The following WNK3 variants were observed in gnomAD, a reference collection of about 807,000 sequenced individuals.
WNK3 encodes serine/threonine-protein kinase WNK3.
In WNK3, 18 loss-of-function variants were observed where a neutral mutation model predicts 116.7. That is an observed-to-expected ratio of 0.15 (90% CI 0.11 to 0.23). The LOEUF (loss-of-function observed/expected upper bound fraction) is 0.23, where lower values mean the gene tolerates loss of function less well. Among genes scored for constraint, WNK3 ranks in the 10% least tolerant of loss-of-function variants. WNK3 has a pLI of 1.00. For missense variants in WNK3, 993 were observed against 1,323.8 expected, an observed-to-expected ratio of 0.75 and a Z score of 3.88; for synonymous variants, 404 against 469.4, an observed-to-expected ratio of 0.86 and a Z score of 1.80.
At chrX:54,308,988 T>C (rs942635830) in intron 4 of WNK3, 107 bp downstream of exon 4, 11 of 600,623 alleles carry the variant, frequency 1.8e-5, no homozygotes, top group Non-Finnish European at 2.9e-5. Context: ...AAACAGGCAG[T>C]GAGCCACATT....
At chrX:54,275,413 ATATGTGTGTGTGTGTGTGTGTGTGTG>A (rs1207143704) in intron 10 of WNK3, among the ~76,000 whole-genome samples, 26 of 58,360 alleles carry the variant, frequency 4.5e-4, no homozygotes, top group African/African-American at 1.5e-3. Flanking sequence ...GTATAAGTTC[ATATGTGTGTGTGTGTGTGTGTGTGTG>A]TGTGTGTGTG....
At chrX:54,355,840 T>C (rs569274984) in intron 1 of WNK3, among the ~76,000 whole-genome samples, 3 of 111,799 alleles carry the variant, frequency 2.7e-5, no homozygotes, top group African/African-American at 6.5e-5. Context: ...CCTTGCCTGG[T>C]TGAGTTAGTG....
intron 1 of WNK3, among the ~76,000 whole-genome samples, chrX:54,349,270 G>A (rs1433023765): frequency 8.9e-6 from 1 of 111,904 alleles, no homozygotes; most frequent in African/African-American, 3.2e-5. Context: ...CCAGGGAGGC[G>A]GAGGTTGCAG....
chrX:54,314,944 T>C (rs1376794339), intron 2 of WNK3, among the ~76,000 whole-genome samples: 2 of 110,785 alleles, frequency 1.8e-5, no homozygotes, highest in East Asian at 5.6e-4. Context: ...AAATAAATAA[T>C]CTAAAATACT....
At chrX:54,203,950 GAAT>G (rs782175869) in intron 22 of WNK3, among the ~76,000 whole-genome samples, 1 of 109,641 alleles carries the variant, frequency 9.1e-6, no homozygotes, top group African/African-American at 3.3e-5. Flanking sequence ...CTGTCTCAAA[GAAT>G]AATAATAATA....
intron 22 of WNK3, among the ~76,000 whole-genome samples, chrX:54,223,092 C>G (rs1300092188): frequency 1.9e-5 from 2 of 107,632 alleles, no homozygotes; most frequent in African/African-American, 6.8e-5. Flanking sequence ...AGGCATAAAT[C>G]CTACCTTACA....
intron 5 of WNK3, among the ~76,000 whole-genome samples, chrX:54,304,084 C>T (rs1234784783): frequency 8.9e-6 from 1 of 111,994 alleles, no homozygotes; most frequent in Non-Finnish European, 1.9e-5. Context: ...TCACCAGTTT[C>T]AACAACAGTC....
At chrX:54,349,640 G>T in intron 1 of WNK3, among the ~76,000 whole-genome samples, 1 of 111,735 alleles carries the variant, frequency 8.9e-6, no homozygotes, top group African/African-American at 3.2e-5. Flanking sequence ...AGAGTAGAAG[G>T]AAAGCCAAGA....
At chrX:54,273,262 C>G (rs2068404046) in intron 10 of WNK3, among the ~76,000 whole-genome samples, 1 of 112,184 alleles carries the variant, frequency 8.9e-6, no homozygotes, top group Non-Finnish European at 1.9e-5. Flanking sequence ...TACCAACTAC[C>G]TAATACTCTA....
chrX:54,302,675 G>C (rs903957042), intron 5 of WNK3, among the ~76,000 whole-genome samples: 1 of 85,919 alleles, frequency 1.2e-5, no homozygotes, highest in Non-Finnish European at 2.2e-5. Context: ...CAAAATAAAG[G>C]CTTCTCTATT....
chrX:54,300,491 G>A (rs2068746568), intron 6 of WNK3, among the ~76,000 whole-genome samples: 1 of 111,699 alleles, frequency 9.0e-6, no homozygotes, highest in African/African-American at 3.3e-5. Context: ...AATAATACTT[G>A]TTTTATGTAA....
rs782247479 is a variant in WNK3 at position 54,332,823 on chromosome X, C to T, written c.537+314G>A. 4.8e-5 allele frequency among the ~76,000 whole-genome samples: 5 copies of T among 105,207 alleles called. No homozygotes were observed. In the South Asian group the frequency reaches 2.2e-3, roughly 47 times the overall value. 91.4% of individuals were successfully genotyped at this position (105,207 alleles called of 115,157 possible). A position where few individuals can be genotyped will look rare whatever the true frequency, so the allele number is the denominator to read the frequency against. The stretch of plus-strand genomic sequence containing the variant: ...GAGGTTGCAGTGAGCCGAGACTGCA[C>T]CACTGCACTCCAGCCTGGGTGACAG... On this transcript the variant is annotated intron_variant, in intron 2 of 23. Transcript: ENST00000354646.
intron 17 of WNK3, among the ~76,000 whole-genome samples, chrX:54,242,683 A>G (rs2146899134): frequency 8.9e-6 from 1 of 112,386 alleles, no homozygotes; most frequent in African/African-American, 3.2e-5. Context: ...GGGAAAGAAT[A>G]GTTTCTTCAC....
intron 1 of WNK3, among the ~76,000 whole-genome samples, chrX:54,347,693 T>TAC (rs2069453709): frequency 2.1e-5 from 2 of 96,616 alleles, no homozygotes; most frequent in South Asian, 8.3e-4. Context: ...TATATATATA[T>TAC]ACACATATAT....
chrX:54,352,256 C>A (rs1368313995), intron 1 of WNK3, among the ~76,000 whole-genome samples: 1 of 111,468 alleles, frequency 9.0e-6, no homozygotes, highest in African/African-American at 3.3e-5. Context: ...TTTTAAAAAA[C>A]AAGTAAAAAA....
At chrX:54,241,771 T>C (rs999835842) in intron 17 of WNK3, among the ~76,000 whole-genome samples, 2 of 109,998 alleles carry the variant, frequency 1.8e-5, no homozygotes, top group African/African-American at 3.3e-5. Flanking sequence ...CTGGTCAACA[T>C]GGTGAAACCT....
intron 1 of WNK3, among the ~76,000 whole-genome samples, chrX:54,356,568 G>A (rs1201847580): frequency 2.7e-5 from 3 of 111,427 alleles, no homozygotes; most frequent in African/African-American, 9.8e-5. Context: ...CAATCCAAAG[G>A]ATAGAGACCG....
exon 24 of WNK3, chrX:54,196,964 T>C (rs2067449103): frequency 8.9e-6 from 1 of 111,848 alleles, no homozygotes; most frequent in Non-Finnish European, 1.9e-5. Context: ...AAAATTGTAA[T>C]TAAAAAGAGC....
At chrX:54,284,223 CA>C (rs1304026053) in intron 10 of WNK3, among the ~76,000 whole-genome samples, 2 of 111,190 alleles carry the variant, frequency 1.8e-5, no homozygotes, top group East Asian at 2.8e-4. Context: ...CAAACATGAG[CA>C]AATAAAATGG....
Sources: gnomAD v4.1 joint callset for allele counts (sites outside exome capture counted in the v4.1 genomes callset) on GRCh38, gnomAD v4.1.1 for gene constraint, MANE v1.5 for transcripts, NCBI Gene and HGNC (gene_info 2026-07-23, HGNC 2026-07-21) for gene names.